The following TSHZ3 variants were observed in gnomAD, a reference collection of about 807,000 sequenced individuals.
TSHZ3 encodes teashirt homolog 3.
TSHZ3 carries 10 observed loss-of-function variants against 64.5 expected under a neutral mutation model. That is an observed-to-expected ratio of 0.16 (90% CI 0.10 to 0.26). The LOEUF is 0.26. TSHZ3 is among the 10% of genes least tolerant of loss of function. The pLI, the probability that TSHZ3 is intolerant of heterozygous loss-of-function variation, is 1.00. For missense variants in TSHZ3, 1,242 were observed against 1,421.7 expected (o/e 0.87, Z 2.03); for synonymous variants, 608 against 593.1 (o/e 1.03, Z -0.36).
intron 5 of TSHZ3, among the ~76,000 whole-genome samples, chr19:31,176,108 A>G (rs964399348): frequency 4.6e-5 from 7 of 152,152 alleles, no homozygotes; most frequent in African/African-American, 1.7e-4. Flanking sequence ...CAGTTTTCAC[A>G]GTGGTAAAAA....
chr19:31,263,815 A>T (rs142924258), intron 1 of TSHZ3, among the ~76,000 whole-genome samples: 20 of 152,352 alleles, frequency 1.3e-4, no homozygotes, highest in African/African-American at 4.6e-4. Context: ...GGTAATAACC[A>T]CATAAATAAG....
At position 31,330,711 on chromosome 19, in the gene TSHZ3, G is replaced by T. The variant is rs539277081; in HGVS notation, c.40+18469C>A. On this transcript the variant is annotated intron_variant, in intron 1 of 1. Transcript: ENST00000240587. ...CCAAGTGCTGTTTAATCCTTGGGCG[G>T]GGGGAGGAAAGTCCAGAACACCTAT... Among the ~76,000 whole-genome samples, 30 of 151,742 alleles carry T rather than the reference G, an allele frequency of 2.0e-4. 1 individual carries two copies. The highest frequency in any genetic ancestry group is 5.3e-4 in the Admixed American group (8 of 15,230).
intron 1 of TSHZ3, among the ~76,000 whole-genome samples, chr19:31,334,184 CTCTGCCTTATGATTTTA>C (rs1329849185): frequency 5.9e-5 from 9 of 152,158 alleles, no homozygotes; most frequent in African/African-American, 2.2e-4. Flanking sequence ...GGAGGGTCCA[CTCTGCCTTATGATTTTA>C]TACAGAAAAG....
chr19:31,247,033 T>C (rs1314307838), intron 1 of TSHZ3, among the ~76,000 whole-genome samples: 2 of 151,916 alleles, frequency 1.3e-5, no homozygotes, highest in Admixed American at 6.6e-5. Context: ...TATAAATAAA[T>C]AAATGAAAAA....
At chr19:31,334,257 A>G (rs943455475) in intron 1 of TSHZ3, among the ~76,000 whole-genome samples, 2 of 152,146 alleles carry the variant, frequency 1.3e-5, no homozygotes, top group African/African-American at 4.8e-5. Context: ...ACACACCCAT[A>G]GTATTTGCTA....
chr19:31,244,533 C>T (rs753480100), intron 1 of TSHZ3, among the ~76,000 whole-genome samples: 13 of 152,160 alleles, frequency 8.5e-5, no homozygotes, highest in Non-Finnish European at 1.3e-4. Flanking sequence ...TGTGAGGGAA[C>T]GGACTACTAT....
intron 1 of TSHZ3, among the ~76,000 whole-genome samples, chr19:31,325,058 A>G (rs1487146002): frequency 6.6e-6 from 1 of 152,236 alleles, no homozygotes; most frequent in Non-Finnish European, 1.5e-5. Flanking sequence ...ATTATCTAAG[A>G]AGCTCCGCGC....
chr19:31,339,809 G>A (rs538948154), intron 1 of TSHZ3, among the ~76,000 whole-genome samples: 3 of 151,858 alleles, frequency 2.0e-5, no homozygotes, highest in Non-Finnish European at 4.4e-5. Context: ...AAAAAAAAGG[G>A]GGGGGCGTTC....
chr19:31,239,442 T>C (rs756009787), intron 3 of TSHZ3, among the ~76,000 whole-genome samples: 1 of 152,200 alleles, frequency 6.6e-6, no homozygotes, highest in Admixed American at 6.5e-5. Flanking sequence ...CTATTCACTA[T>C]TTCTTTTTTG....
intron 5 of TSHZ3, among the ~76,000 whole-genome samples, chr19:31,190,267 A>G: frequency 6.6e-6 from 1 of 152,174 alleles, no homozygotes; most frequent in Non-Finnish European, 1.5e-5. Context: ...TAAGACAGGC[A>G]TGCACATGGT....
rs539429410 is a variant in TSHZ3 at position 31,196,360 on chromosome 19, G to C, written n.809+8596C>G. Among the ~76,000 whole-genome samples, 138 of 152,024 alleles carry C rather than the reference G, an allele frequency of 9.1e-4. 1 individual carries two copies. In the Middle Eastern group the frequency reaches 0.024, roughly 26 times the overall value. The stretch of plus-strand genomic sequence containing the variant: ...AAAGAGGGAAAATGAACTTATATAA[G>C]TTTTTCAGTTAAAATCACAAATGGC... On this transcript the variant is annotated intron_variant and non_coding_transcript_variant, in intron 5 of 6. Transcript: ENST00000651361.
intron 4 of TSHZ3, among the ~76,000 whole-genome samples, chr19:31,208,859 C>T (rs921366856): frequency 3.3e-5 from 5 of 152,184 alleles, no homozygotes; most frequent in Non-Finnish European, 7.3e-5. Flanking sequence ...TCAGCCCCAG[C>T]CATAAATTGA....
At chr19:31,339,601 G>A (rs551051179) in intron 1 of TSHZ3, among the ~76,000 whole-genome samples, 1 of 152,192 alleles carries the variant, frequency 6.6e-6, no homozygotes, top group Admixed American at 6.5e-5. Context: ...CAGGAGGGAA[G>A]GGTGGGTCAG....
intron 1 of TSHZ3, among the ~76,000 whole-genome samples, chr19:31,337,430 G>C (rs1917282574): frequency 1.3e-5 from 2 of 152,158 alleles, no homozygotes; most frequent in African/African-American, 2.4e-5. Flanking sequence ...GATGGCATTT[G>C]TATCAAAGGT....
intron 5 of TSHZ3, among the ~76,000 whole-genome samples, chr19:31,177,059 C>T (rs1451378443): frequency 6.6e-6 from 1 of 152,202 alleles, no homozygotes; most frequent in African/African-American, 2.4e-5. Flanking sequence ...GCAATGATAG[C>T]ACCTGGCCCT....
chr19:31,346,084 C>T (rs996727309), intron 1 of TSHZ3, among the ~76,000 whole-genome samples: 2 of 152,132 alleles, frequency 1.3e-5, no homozygotes, highest in African/African-American at 4.8e-5. Flanking sequence ...ATCAAAACAT[C>T]AAAAAATCCT....
At chr19:31,324,853 G>A (rs1328025411) in intron 1 of TSHZ3, among the ~76,000 whole-genome samples, 1 of 152,066 alleles carries the variant, frequency 6.6e-6, no homozygotes, top group African/African-American at 2.4e-5. Flanking sequence ...AATTCCGTAA[G>A]TGGAAAGTGA....
rs547367781 is a variant in TSHZ3 at position 31,175,120 on chromosome 19, C to T, written n.810-18703G>A. On this transcript the variant is annotated intron_variant and non_coding_transcript_variant, in intron 5 of 6. Transcript: ENST00000651361. ...CCATTTGTCTGTAGGATAAAGGGGT[C>T]AGGCAATGGCCCAGTTCATCATGAC... is the stretch of plus-strand genomic sequence containing the variant. 8.5e-4 allele frequency among the ~76,000 whole-genome samples: 130 copies of T among 152,234 alleles called. 3 individuals carry two copies. Among genetic ancestry groups the T allele is most frequent in the African/African-American group, 3.0e-3 (124 of 41,554 alleles).
downstream of TSHZ3, among the ~76,000 whole-genome samples, chr19:31,274,036 T>C (rs139932745): frequency 1.3e-5 from 2 of 152,226 alleles, no homozygotes; most frequent in African/African-American, 2.4e-5. Context: ...ACAGAAAAAT[T>C]TGGACTCCTC....
Sources: gnomAD v4.1 joint callset for allele counts (sites outside exome capture counted in the v4.1 genomes callset) on GRCh38, gnomAD v4.1.1 for gene constraint, MANE v1.5 for transcripts, NCBI Gene and HGNC (gene_info 2026-07-23, HGNC 2026-07-21) for gene names.